The following LSAMP variants were observed in gnomAD, a reference collection of about 807,000 sequenced individuals.
LSAMP encodes limbic system associated membrane protein.
Under a neutral mutation model 38.6 loss-of-function variants are expected in LSAMP, and 7 were observed. That is an observed-to-expected ratio of 0.18 (90% CI 0.10 to 0.34). The LOEUF is 0.34. LSAMP is among the 10% of genes least tolerant of loss of function. The pLI is 1.00. For synonymous variants in LSAMP, 154 were observed against 166.8 expected, an observed-to-expected ratio of 0.92 and a Z score of 0.59; for missense variants, 313 against 420.0, an observed-to-expected ratio of 0.75 and a Z score of 2.23.
intron 1 of LSAMP, among the ~76,000 whole-genome samples, chr3:116,142,626 G>T (rs1276480763): frequency 6.6e-6 from 1 of 151,846 alleles, no homozygotes; most frequent in Non-Finnish European, 1.5e-5. Flanking sequence ...TAATTATTCT[G>T]CATGTTATCC....
intron 3 of LSAMP, among the ~76,000 whole-genome samples, chr3:115,882,894 T>C (rs530392749): frequency 1.3e-5 from 2 of 152,144 alleles, no homozygotes; most frequent in East Asian, 3.9e-4. Flanking sequence ...AACAAAACCC[T>C]AGCAGCTTTC....
intron 1 of LSAMP, among the ~76,000 whole-genome samples, chr3:116,204,490 G>C (rs1361155625): frequency 4.6e-5 from 7 of 151,836 alleles, no homozygotes; most frequent in Non-Finnish European, 8.8e-5. Context: ...CCTATGTCCT[G>C]AATGGTATTG....
At chr3:116,288,676 C>T (rs1373655506) in intron 1 of LSAMP, among the ~76,000 whole-genome samples, 1 of 152,176 alleles carries the variant, frequency 6.6e-6, no homozygotes. Flanking sequence ...GCGGTATCTA[C>T]ATTTTTTCCC....
At chr3:116,022,165 C>T (rs1940656800) in intron 2 of LSAMP, among the ~76,000 whole-genome samples, 1 of 152,098 alleles carries the variant, frequency 6.6e-6, no homozygotes, top group Non-Finnish European at 1.5e-5. Flanking sequence ...TAGCTTCCTC[C>T]CATAAGCATG....
At chr3:116,103,557 C>CTTTTT (rs547545490) in intron 1 of LSAMP, among the ~76,000 whole-genome samples, 2 of 117,960 alleles carry the variant, frequency 1.7e-5, no homozygotes, top group African/African-American at 6.7e-5. Flanking sequence ...CTCATTCCAT[C>CTTTTT]TTTTTTTTTT....
intron 1 of LSAMP, among the ~76,000 whole-genome samples, chr3:116,097,200 A>G: frequency 6.6e-6 from 1 of 152,232 alleles, no homozygotes; most frequent in East Asian, 1.9e-4. Flanking sequence ...TACCAAAAGC[A>G]TTGCTAAGTT....
intron 1 of LSAMP, among the ~76,000 whole-genome samples, chr3:116,386,255 A>C (rs1040742492): frequency 1.3e-5 from 2 of 152,142 alleles, no homozygotes; most frequent in Admixed American, 6.5e-5. Flanking sequence ...AATAGATCCT[A>C]TATTCAGGTA....
chr3:115,878,457 T>G (rs1185107381), intron 3 of LSAMP, among the ~76,000 whole-genome samples: 1 of 92,762 alleles, frequency 1.1e-5, no homozygotes, highest in Non-Finnish European at 2.1e-5. Context: ...GCTATTCTTT[T>G]TTTTTTTTTT....
At chr3:116,411,169 C>T (rs1240685900) in intron 1 of LSAMP, among the ~76,000 whole-genome samples, 1 of 152,094 alleles carries the variant, frequency 6.6e-6, no homozygotes, top group Non-Finnish European at 1.5e-5. Flanking sequence ...CACTTTTACA[C>T]TGTTGGTGGG....
At chr3:116,073,321 G>A (rs538936482) in intron 2 of LSAMP, among the ~76,000 whole-genome samples, 1 of 152,232 alleles carries the variant, frequency 6.6e-6, no homozygotes, top group East Asian at 1.9e-4. Flanking sequence ...TTGTACTATA[G>A]TTTGAAGTTG....
intron 3 of LSAMP, among the ~76,000 whole-genome samples, chr3:115,956,683 C>T (rs1938464901): frequency 6.6e-6 from 1 of 151,980 alleles, no homozygotes; most frequent in East Asian, 1.9e-4. Context: ...ATCCAAAAGG[C>T]AACAAAGGAG....
intron 1 of LSAMP, among the ~76,000 whole-genome samples, chr3:116,289,934 GA>G (rs1394533351): frequency 2.6e-5 from 4 of 152,192 alleles, no homozygotes; most frequent in Non-Finnish European, 5.9e-5. Flanking sequence ...GCAGCTGTAT[GA>G]ACTAGTTACT....
intron 2 of LSAMP, among the ~76,000 whole-genome samples, chr3:116,077,444 A>T (rs1317135749): frequency 1.3e-5 from 2 of 151,986 alleles, no homozygotes; most frequent in African/African-American, 4.8e-5. Flanking sequence ...TTGTCTGTTG[A>T]CTTTGTAATG....
At chr3:116,118,680 A>G (rs16824447) in intron 1 of LSAMP, among the ~76,000 whole-genome samples, 3,698 of 152,256 alleles carry the variant, frequency 0.024, 58 homozygotes, top group Non-Finnish European at 0.035. Flanking sequence ...CTATCTGCTC[A>G]TCTTTGTATA....
chr3:116,359,348 T>C (rs534131721), intron 1 of LSAMP, among the ~76,000 whole-genome samples: 12 of 152,246 alleles, frequency 7.9e-5, no homozygotes, highest in Non-Finnish European at 5.9e-5. Flanking sequence ...ACTTTTCAAA[T>C]GATGATGATA....
intron 3 of LSAMP, among the ~76,000 whole-genome samples, chr3:115,866,833 A>G (rs1255619028): frequency 6.6e-6 from 1 of 152,122 alleles, no homozygotes; most frequent in African/African-American, 2.4e-5. Context: ...TTATTTTCCC[A>G]TTAAGACTCC....
At chr3:115,939,144 A>G (rs1576237270) in intron 3 of LSAMP, among the ~76,000 whole-genome samples, 1 of 152,188 alleles carries the variant, frequency 6.6e-6, no homozygotes, top group Non-Finnish European at 1.5e-5. Flanking sequence ...TATGAGTAGA[A>G]AAGTCCAACT....
chr3:116,148,557 G>A (rs899303709), intron 1 of LSAMP, among the ~76,000 whole-genome samples: 10 of 151,974 alleles, frequency 6.6e-5, no homozygotes, highest in Admixed American at 2.0e-4. Context: ...TCAAGAAGTA[G>A]AGAAGTAGAT....
chr3:116,388,393 T>A (rs2048651804), intron 1 of LSAMP, among the ~76,000 whole-genome samples: 1 of 152,196 alleles, frequency 6.6e-6, no homozygotes, highest in Non-Finnish European at 1.5e-5. Context: ...CTCTGCTCAA[T>A]TTACACCCAG....
Sources: gnomAD v4.1 joint callset for allele counts (sites outside exome capture counted in the v4.1 genomes callset) on GRCh38, gnomAD v4.1.1 for gene constraint, MANE v1.5 for transcripts, NCBI Gene and HGNC (gene_info 2026-07-23, HGNC 2026-07-21) for gene names.